DENND1B: variants seen among roughly 807,000 people sequenced by gnomAD.
DENND1B encodes the protein DENN domain-containing protein 1B.
Under a neutral mutation model 90.1 loss-of-function variants are expected in DENND1B, and 59 were observed. The observed-to-expected ratio is 0.65, with a 90% CI of 0.53 to 0.81. The LOEUF (loss-of-function observed/expected upper bound fraction) is 0.81, where lower values mean the gene tolerates loss of function less well. Among genes scored for constraint, DENND1B ranks in the 40% least tolerant of loss-of-function variants. The pLI, the probability that DENND1B is intolerant of heterozygous loss-of-function variation, is 0.00. For synonymous variants in DENND1B, 337 were observed against 324.6 expected (o/e 1.04, Z -0.41); for missense variants, 862 against 912.6 (o/e 0.94, Z 0.71).
chr1:197,661,987 T>A (rs1654449643), intron 5 of DENND1B, among the ~76,000 whole-genome samples: 1 of 152,106 alleles, frequency 6.6e-6, no homozygotes, highest in Non-Finnish European at 1.5e-5. Context: ...AGTTTTTATT[T>A]GTGCTAGGCA....
chr1:197,750,586 A>ATAGATAGATAGG (rs1241560266), intron 2 of DENND1B, among the ~76,000 whole-genome samples: 2 of 151,880 alleles, frequency 1.3e-5, no homozygotes, highest in African/African-American at 4.8e-5. Flanking sequence ...AGATAGATAG[A>ATAGATAGATAGG]TAGATAGATA....
intron 3 of DENND1B, among the ~76,000 whole-genome samples, chr1:197,713,662 C>G (rs1308629145): frequency 2.7e-5 from 2 of 73,464 alleles, no homozygotes; most frequent in Non-Finnish European, 5.0e-5. Flanking sequence ...TGCAGCGCAC[C>G]AGCATGGCAC....
chr1:197,752,584 G>A (rs1014453092), intron 2 of DENND1B, among the ~76,000 whole-genome samples: 2 of 151,884 alleles, frequency 1.3e-5, no homozygotes, highest in Non-Finnish European at 2.9e-5. Flanking sequence ...TTTTCCCTGA[G>A]TTTAGTAGCT....
Position 197,539,995 on chromosome 1 carries a change from C to A in DENND1B, c.1484G>T (p.Gly495Val). Residue 495 changes from glycine (G) to valine (V), a missense_variant, in exon 20 of 23, where the codon GGA becomes GTA. Transcript: ENST00000620048. ...TPVYKLHNEKGGNSEKRKLAQ... is the reference protein window; with the variant it reads ...TPVYKLHNEKVGNSEKRKLAQ... ...AAGCTTACGCTTTTCTGAGTTTCCTCCCTTTTCATTGTGTAATTTGTAAAC... is the reference window on the plus strand; with the variant it reads ...AAGCTTACGCTTTTCTGAGTTTCCTACCTTTTCATTGTGTAATTTGTAAAC... 1 of 1,613,338 alleles carries A rather than the reference C, an allele frequency of 6.2e-7. No individual in the cohort carries two copies. The highest frequency in any genetic ancestry group is 1.1e-5 in the South Asian group (1 of 91,022).
intron 3 of DENND1B, among the ~76,000 whole-genome samples, chr1:197,699,257 T>TA (rs1658772072): frequency 1.3e-5 from 2 of 152,258 alleles, no homozygotes; most frequent in Admixed American, 1.3e-4. Context: ...TGGTTCAACA[T>TA]ATGCAAATCA....
intron 15 of DENND1B, among the ~76,000 whole-genome samples, chr1:197,554,756 C>T (rs1671562473): frequency 6.7e-6 from 1 of 148,372 alleles, no homozygotes; most frequent in African/African-American, 2.5e-5. Context: ...GCAGGAGAAT[C>T]TCTTGAACCC....
chr1:197,674,667 TAAA>T (rs35033905), intron 3 of DENND1B, among the ~76,000 whole-genome samples: 20 of 144,684 alleles, frequency 1.4e-4, no homozygotes, highest in Admixed American at 1.4e-4. Context: ...GTCAAACAGT[TAAA>T]AAAAAAAAAA....
chr1:197,617,810 C>A (rs1410205987), intron 10 of DENND1B, 51 bp from the exon 11 acceptor site: 1 of 1,289,506 alleles, frequency 7.8e-7, no homozygotes, highest in Non-Finnish European at 1.1e-6. Flanking sequence ...ACCTTCCAAA[C>A]AAAAAGCAAT....
chr1:197,760,455 G>C (rs1333306058), intron 2 of DENND1B, among the ~76,000 whole-genome samples: 1 of 151,954 alleles, frequency 6.6e-6, no homozygotes, highest in Non-Finnish European at 1.5e-5. Flanking sequence ...TTCAAGACCA[G>C]TCTGGGCAAA....
intron 5 of DENND1B, among the ~76,000 whole-genome samples, chr1:197,669,095 G>A (rs1223031948): frequency 6.6e-6 from 1 of 151,828 alleles, no homozygotes; most frequent in Non-Finnish European, 1.5e-5. Context: ...TATGTATTTT[G>A]GCTATTAACC....
At chr1:197,587,365 C>T (rs184569974) in intron 14 of DENND1B, among the ~76,000 whole-genome samples, 79 of 152,018 alleles carry the variant, frequency 5.2e-4, no homozygotes, top group Middle Eastern at 6.8e-3. Context: ...GAGAGAAAAA[C>T]AACTGAATAT....
At chr1:197,615,366 C>T (rs748985264) in intron 11 of DENND1B, among the ~76,000 whole-genome samples, 2 of 150,994 alleles carry the variant, frequency 1.3e-5, no homozygotes, top group African/African-American at 2.4e-5. Context: ...GATGGCATTA[C>T]GGCTCTCCAC....
intron 3 of DENND1B, chr1:197,685,733 G>T (rs1397105300): frequency 6.6e-6 from 1 of 151,924 alleles, no homozygotes; most frequent in African/African-American, 2.4e-5. Context: ...ACTGCACTCA[G>T]ACCAGCCCCA....
chr1:197,591,176 AT>A (rs1311122989), intron 14 of DENND1B, among the ~76,000 whole-genome samples: 1 of 152,058 alleles, frequency 6.6e-6, no homozygotes, highest in Non-Finnish European at 1.5e-5. Flanking sequence ...TAGAAGTATA[AT>A]TTTCTTTTAT....
At chr1:197,643,349 G>T (rs545955366) in intron 9 of DENND1B, among the ~76,000 whole-genome samples, 2 of 152,078 alleles carry the variant, frequency 1.3e-5, no homozygotes, top group South Asian at 4.2e-4. Flanking sequence ...GAGAGATGGG[G>T]TTTCACCATG....
At chr1:197,574,423 T>G (rs1673466747) in intron 15 of DENND1B, among the ~76,000 whole-genome samples, 1 of 152,142 alleles carries the variant, frequency 6.6e-6, no homozygotes, top group Admixed American at 6.5e-5. Flanking sequence ...TACAAACCAC[T>G]GCTCAACAAA....
At chr1:197,720,538 G>C (rs1289749420) in intron 2 of DENND1B, among the ~76,000 whole-genome samples, 1 of 149,750 alleles carries the variant, frequency 6.7e-6, no homozygotes, top group Non-Finnish European at 1.5e-5. Context: ...AACATACTCA[G>C]ACTTACCATA....
At chr1:197,732,147 A>G (rs140258323) in intron 2 of DENND1B, among the ~76,000 whole-genome samples, 16 of 152,284 alleles carry the variant, frequency 1.1e-4, no homozygotes, top group African/African-American at 3.9e-4. Context: ...GGACCTTCCC[A>G]AGTCTGGTCA....
chr1:197,625,717 G>A (rs897685641), intron 10 of DENND1B, among the ~76,000 whole-genome samples: 24 of 152,002 alleles, frequency 1.6e-4, no homozygotes, highest in African/African-American at 5.3e-4. Context: ...GACACAGACT[G>A]GCAAATTGGA....
Sources: allele counts gnomAD v4.1 joint callset (sites outside exome capture counted in the v4.1 genomes callset), GRCh38; gene constraint gnomAD v4.1.1; transcripts MANE v1.5; gene names NCBI Gene and HGNC (gene_info 2026-07-23, HGNC 2026-07-21).